Variants in FARS2 observed in about 807,000 individuals in gnomAD.
FARS2 encodes phenylalanine--tRNA ligase, mitochondrial.
In FARS2, 40 loss-of-function variants were observed where a neutral mutation model predicts 46.4. The observed-to-expected ratio is 0.86, with a 90% CI of 0.67 to 1.12. FARS2 has a LOEUF of 1.12. FARS2 is among the 50% of genes most tolerant of loss of function. FARS2 has a pLI of 0.00. For missense variants in FARS2, 513 were observed against 567.9 expected, an observed-to-expected ratio of 0.90 and a Z score of 0.98; for synonymous variants, 234 against 214.9, an observed-to-expected ratio of 1.09 and a Z score of -0.78.
chr6:5,610,070 AC>A (rs1775084202), intron 5 of FARS2: 3 of 915,622 alleles, frequency 3.3e-6, no homozygotes, highest in Non-Finnish European at 5.4e-6. Flanking sequence ...TCATTACCAC[AC>A]AGTCCAGGAG....
intron 5 of FARS2, among the ~76,000 whole-genome samples, chr6:5,606,443 G>T (rs1774841976): frequency 6.6e-6 from 1 of 151,992 alleles, no homozygotes. Context: ...AGTGTGAGGG[G>T]TTTCAGACAT....
rs746478164 is a variant in FARS2, at chr6:5,771,348, G to C, written c.1275G>C (p.Leu425=). 31 of 1,614,048 alleles carry C rather than the reference G, an allele frequency of 1.9e-5. No individual in the cohort carries two copies. The change falls in exon 7 of 7, where the codon CTG becomes CTC. Residue 425 remains leucine (L), a synonymous_variant. Coordinates refer to ENST00000274680, the MANE Select transcript of FARS2 (RefSeq NM_006567.5). The part of the protein sequence containing the change: ...RITYRHMERT[L]SQREVRHIHQ... Reference sequence around the variant, plus strand: ...CGTACCGCCACATGGAACGGACTCTGTCCCAGAGAGAGGTCAGGCACATCC... The same window carrying C: ...CGTACCGCCACATGGAACGGACTCTCTCCCAGAGAGAGGTCAGGCACATCC...
At position 5,432,693 on chromosome 6, in the gene FARS2, C is replaced by A. The variant is rs567036147; in HGVS notation, c.904+1521C>A. 2.6e-5 allele frequency among the ~76,000 whole-genome samples: 4 copies of A among 151,368 alleles called. No homozygotes were observed. In the South Asian group the frequency reaches 8.3e-4, roughly 31 times the overall value. ...TGCTCCCTTAGAAGGACATTTGCTG[C>A]TTGGCCTTGGAGGGCAGCTCTGAGT... On this transcript the variant is annotated intron_variant, in intron 4 of 6. Coordinates refer to ENST00000274680, the MANE Select transcript of FARS2 (RefSeq NM_006567.5).
chr6:5,723,941 A>G (rs1582833863), intron 6 of FARS2, among the ~76,000 whole-genome samples: 1 of 151,826 alleles, frequency 6.6e-6, no homozygotes. Flanking sequence ...CACTCCCCCA[A>G]GACAGAGGAA....
intron 4 of FARS2, among the ~76,000 whole-genome samples, chr6:5,533,142 G>C (rs565033673): frequency 7.2e-5 from 11 of 152,250 alleles, no homozygotes; most frequent in African/African-American, 2.4e-4. Flanking sequence ...GACTTGCGAC[G>C]CTGTGCCTGC....
At chr6:5,734,490 C>T (rs1037881064) in intron 6 of FARS2, among the ~76,000 whole-genome samples, 6 of 152,190 alleles carry the variant, frequency 3.9e-5, no homozygotes, top group Non-Finnish European at 8.8e-5. Flanking sequence ...CCAGCTTGTG[C>T]TCTCTATTTG....
At position 5,432,351 on chromosome 6, in the gene FARS2, T is replaced by TAAAA. The variant is rs1491454941; in HGVS notation, c.904+1179_904+1180insAAAA. On this transcript the variant is annotated intron_variant, in intron 4 of 6. Coordinates refer to ENST00000274680, the MANE Select transcript of FARS2 (RefSeq NM_006567.5). The stretch of plus-strand genomic sequence containing the variant: ...AAATATATATATATATATATATATA[T>TAAAA]TATATATATATAATATATTATATAT... 2.0e-3 allele frequency among the ~76,000 whole-genome samples: 84 copies of TAAAA among 42,332 alleles called. 1 individual carries two copies. Among genetic ancestry groups the TAAAA allele is most frequent in the African/African-American group, 5.7e-3 (80 of 14,128 alleles). The allele number at this position is 42,332 out of a possible 152,430, so 27.8% of individuals were successfully genotyped here. A position where few individuals can be genotyped will look rare whatever the true frequency, so the allele number is the denominator to read the frequency against.
intron 6 of FARS2, among the ~76,000 whole-genome samples, chr6:5,750,328 G>A (rs1451787163): frequency 2.0e-5 from 3 of 152,066 alleles, no homozygotes; most frequent in Non-Finnish European, 4.4e-5. Context: ...TGATGACTGG[G>A]CACCCTTCTC....
rs377686186 is a variant in FARS2 at position 5,287,256 on chromosome 6, A to G, written c.-22+25596A>G. ...GGCTTCTCAGCTCTGTTTGTGGGGA[A>G]CTGGGCTGTAGACATTTGCTGTGGA... is the stretch of plus-strand genomic sequence containing the variant. On this transcript the variant is annotated intron_variant, in intron 1 of 6. Coordinates refer to ENST00000274680, the MANE Select transcript of FARS2 (RefSeq NM_006567.5). 5.9e-5 allele frequency among the ~76,000 whole-genome samples: 9 copies of G among 152,284 alleles called. No individual in the cohort carries two copies. The South Asian group carries it at 1.4e-3, about 25-fold the overall frequency.
intron 6 of FARS2, among the ~76,000 whole-genome samples, chr6:5,628,047 G>A (rs983973674): frequency 1.3e-5 from 2 of 152,196 alleles, no homozygotes; most frequent in African/African-American, 4.8e-5. Context: ...ATTTTAACGA[G>A]GTTGGTCATA....
intron 6 of FARS2, among the ~76,000 whole-genome samples, chr6:5,668,329 G>A (rs1316209043): frequency 6.6e-6 from 1 of 152,128 alleles, no homozygotes; most frequent in East Asian, 1.9e-4. Flanking sequence ...TGTACTGTTG[G>A]ACAGCAGCAG....
At chr6:5,640,139 G>GGTGTGTGT (rs3057207) in intron 6 of FARS2, among the ~76,000 whole-genome samples, 3,264 of 149,870 alleles carry the variant, frequency 0.022, 37 homozygotes, top group African/African-American at 0.025. Context: ...ACTTTTGTCA[G>GGTGTGTGT]GTGTGTGTGT....
At chr6:5,490,229 G>C (rs563843432) in intron 4 of FARS2, among the ~76,000 whole-genome samples, 1 of 152,070 alleles carries the variant, frequency 6.6e-6, no homozygotes, top group Non-Finnish European at 1.5e-5. Flanking sequence ...TTAATATTTT[G>C]TTCTTTGTAA....
intron 6 of FARS2, among the ~76,000 whole-genome samples, chr6:5,644,193 ATGTT>A (rs71817270): frequency 0.025 from 3,816 of 151,858 alleles, 141 homozygotes; most frequent in African/African-American, 0.086. Context: ...GGTGCCAGTC[ATGTT>A]TGTTGTTTCT....
At chr6:5,345,879 T>C (rs1197381362) in intron 1 of FARS2, among the ~76,000 whole-genome samples, 2 of 152,252 alleles carry the variant, frequency 1.3e-5, no homozygotes, top group African/African-American at 4.8e-5. Flanking sequence ...GAGAATGGAC[T>C]TTTTGTTTCT....
chr6:5,422,134 A>G (rs1484373981), intron 3 of FARS2, among the ~76,000 whole-genome samples: 1 of 152,208 alleles, frequency 6.6e-6, no homozygotes, highest in African/African-American at 2.4e-5. Context: ...ATGGTGGCAG[A>G]CAAGAGAAGA....
At chr6:5,568,413 C>A (rs1772444477) in intron 5 of FARS2, among the ~76,000 whole-genome samples, 1 of 152,152 alleles carries the variant, frequency 6.6e-6, no homozygotes, top group Non-Finnish European at 1.5e-5. Flanking sequence ...GTGCCAGGCA[C>A]CGTGCTTGAC....
intron 4 of FARS2, among the ~76,000 whole-genome samples, chr6:5,490,187 AG>A (rs58688052): frequency 0.2 from 29,917 of 152,026 alleles, 3,070 homozygotes; most frequent in East Asian, 0.35. Context: ...AACTTTACAA[AG>A]TATTTCTGAG....
intron 6 of FARS2, among the ~76,000 whole-genome samples, chr6:5,755,849 AG>A (rs1762175542): frequency 6.6e-6 from 1 of 152,162 alleles, no homozygotes; most frequent in Non-Finnish European, 1.5e-5. Flanking sequence ...GTAATTTCTC[AG>A]CTTGAGGGTC....
Sources: allele counts gnomAD v4.1 joint callset (sites outside exome capture counted in the v4.1 genomes callset), GRCh38; gene constraint gnomAD v4.1.1; transcripts MANE v1.5; gene names NCBI Gene and HGNC (gene_info 2026-07-23, HGNC 2026-07-21).